SCN8A: variants seen among roughly 807,000 people sequenced by gnomAD.
The protein encoded by SCN8A is sodium voltage-gated channel alpha subunit 8.
SCN8A carries 30 observed loss-of-function variants against 184.1 expected under a neutral mutation model. The ratio of observed to expected loss-of-function variants is 0.16; its 90% CI spans 0.12 to 0.22. The LOEUF is 0.22. SCN8A is among the 10% of genes least tolerant of loss of function. The pLI is 1.00. For synonymous variants in SCN8A, 852 were observed against 907.0 expected (o/e 0.94, Z 1.09); for missense variants, 1,057 against 2,498.9 (o/e 0.42, Z 12.30).
Position 51,751,386 on chromosome 12 carries a change from A to G in SCN8A, c.2163A>G (p.Pro721=), listed in dbSNP as rs1245053062. 2.5e-6 allele frequency: 4 copies of G among 1,613,748 alleles called. No homozygotes were observed. The South Asian group carries it at 3.3e-5, about 13-fold the overall frequency. ...AAGAGTCTCAGAGAAAGTGCCCGCC[A>G]TGCTGGTATAAATTTGCCAACACTT... is the stretch of plus-strand genomic sequence containing the variant. The part of the protein sequence containing the change: ...ELEESQRKCP[P]CWYKFANTFL... The change falls in exon 14 of 27, where the codon CCA becomes CCG. Residue 721 remains proline (P), a synonymous_variant. Coordinates refer to ENST00000627620, the MANE Select transcript of SCN8A (RefSeq NM_001330260.2).
intron 1 of SCN8A, among the ~76,000 whole-genome samples, chr12:51,655,450 T>C (rs1027496705): frequency 1.3e-5 from 2 of 151,970 alleles, no homozygotes; most frequent in African/African-American, 2.4e-5. Context: ...GGCACCATCA[T>C]GGTTCACTGT....
rs547965694 is a variant in SCN8A at position 51,662,366 on chromosome 12, G to A, written c.-54-398G>A. On this transcript the variant is annotated intron_variant, in intron 1 of 26. Coordinates refer to ENST00000627620, the MANE Select transcript of SCN8A (RefSeq NM_001330260.2). ...TTGAAAGGAAGAGTTTTTCTTTGGGGAGTGGAGCTTTAGGAAAGGAAGGTG... is the reference window on the plus strand; with the variant it reads ...TTGAAAGGAAGAGTTTTTCTTTGGGAAGTGGAGCTTTAGGAAAGGAAGGTG... Among the ~76,000 whole-genome samples, 3 of 152,286 alleles carry A rather than the reference G, an allele frequency of 2.0e-5. No homozygotes were observed. In the South Asian group the frequency reaches 6.2e-4, roughly 32 times the overall value.
At chr12:51,627,294 A>G (rs1277618104) in intron 1 of SCN8A, among the ~76,000 whole-genome samples, 1 of 152,252 alleles carries the variant, frequency 6.6e-6, no homozygotes, top group Non-Finnish European at 1.5e-5. Flanking sequence ...ATGAAATGAG[A>G]TAATAAATAT....
At chr12:51,794,192 C>T (rs1314818100) in intron 25 of SCN8A, among the ~76,000 whole-genome samples, 179 bp from the exon 26 acceptor site, 1 of 152,144 alleles carries the variant, frequency 6.6e-6, no homozygotes, top group Non-Finnish European at 1.5e-5. Context: ...CTTTGGAAAG[C>T]TCTTGGTGAG....
intron 26 of SCN8A, among the ~76,000 whole-genome samples, chr12:51,802,715 T>A (rs192558335): frequency 2.0e-5 from 3 of 152,328 alleles, no homozygotes; most frequent in African/African-American, 7.2e-5. Flanking sequence ...ATTATATTCC[T>A]TGGTTCTCCA....
At chr12:51,681,214 A>G (rs1941326252) in intron 2 of SCN8A, among the ~76,000 whole-genome samples, 2 of 151,924 alleles carry the variant, frequency 1.3e-5, no homozygotes, top group South Asian at 2.1e-4. Flanking sequence ...TCCCACACCA[A>G]CTTCATTCTT....
chr12:51,641,785 C>T (rs1351182801), intron 1 of SCN8A, among the ~76,000 whole-genome samples: 7 of 152,184 alleles, frequency 4.6e-5, no homozygotes, highest in South Asian at 2.1e-4. Flanking sequence ...CCCACACCCT[C>T]GCCCTGGCAG....
chr12:51,647,448 G>C (rs74091896), intron 1 of SCN8A, among the ~76,000 whole-genome samples: 5,565 of 152,216 alleles, frequency 0.037, 312 homozygotes, highest in African/African-American at 0.12. Context: ...GGAGTGAGAC[G>C]TAGGAAGGAA....
intron 2 of SCN8A, among the ~76,000 whole-genome samples, chr12:51,668,589 A>G (rs1162349124): frequency 4.6e-5 from 7 of 152,148 alleles, no homozygotes; most frequent in African/African-American, 1.2e-4. Context: ...GGTTTTTAGG[A>G]CAGGTCCTAA....
At chr12:51,802,254 G>A (rs1205976255) in intron 26 of SCN8A, among the ~76,000 whole-genome samples, 2 of 152,118 alleles carry the variant, frequency 1.3e-5, no homozygotes, top group African/African-American at 4.8e-5. Context: ...AGCATTGCAG[G>A]GTTAATCTCA....
chr12:51,701,334 C>T lies in SCN8A; in HGVS notation c.992+127C>T, dbSNP rs1440251727. 6.1e-6 allele frequency: 3 copies of T among 492,838 alleles called. No individual in the cohort carries two copies. The East Asian group carries it at 9.7e-5, about 16-fold the overall frequency. 30.5% of individuals were successfully genotyped at this position (492,838 alleles called of 1,614,324 possible). On this transcript the variant is annotated intron_variant, in intron 8 of 26. Transcript: ENST00000627620. ...AGTAGACCTTACAATTGCATCTGAC[C>T]TATCGGTTGGCATAGATTTTCTTTG...
chr12:51,693,051 T>C (rs1273141705), intron 6 of SCN8A, among the ~76,000 whole-genome samples: 4 of 152,356 alleles, frequency 2.6e-5, no homozygotes, highest in East Asian at 1.9e-4. Flanking sequence ...TTACTTTCAC[T>C]CCTAACCAGT....
chr12:51,739,874 G>A (rs898831025), intron 12 of SCN8A, among the ~76,000 whole-genome samples: 2 of 152,132 alleles, frequency 1.3e-5, no homozygotes, highest in Admixed American at 6.5e-5. Context: ...CACAGCCTTC[G>A]GAGCTGGGAG....
intron 1 of SCN8A, among the ~76,000 whole-genome samples, chr12:51,644,691 C>T (rs575465489): frequency 8.8e-4 from 132 of 150,592 alleles, no homozygotes; most frequent in African/African-American, 2.7e-3. Flanking sequence ...TCCGCCTGGC[C>T]GCCCATCGTC....
chr12:51,676,137 GAA>G (rs1476952275), intron 2 of SCN8A, among the ~76,000 whole-genome samples: 2 of 152,008 alleles, frequency 1.3e-5, no homozygotes, highest in Non-Finnish European at 2.9e-5. Context: ...CACGCCTAGG[GAA>G]GAATTTTGCT....
chr12:51,595,076 A>ATCAATGAATCAACAAATAGTC (rs1202520464), intron 1 of SCN8A, among the ~76,000 whole-genome samples: 3 of 152,184 alleles, frequency 2.0e-5, no homozygotes, highest in Non-Finnish European at 4.4e-5. Flanking sequence ...CCTTTTCTTA[A>ATCAATGAATCAACAAATAGTC]TCAATGAATC....
chr12:51,663,577 A>G (rs1054674969), intron 2 of SCN8A, among the ~76,000 whole-genome samples: 1 of 152,190 alleles, frequency 6.6e-6, no homozygotes, highest in Non-Finnish European at 1.5e-5. Flanking sequence ...TAAAGCAAAC[A>G]GCCAATGAGG....
rs772641973 is a variant in SCN8A at position 51,688,988 on chromosome 12, G to C, written c.615-17G>C. On this transcript the variant is annotated splice_polypyrimidine_tract_variant and intron_variant, in intron 5 of 26. Transcript: ENST00000627620. ...GTGTTTGTCACTTGTGTCTGTGTGT[G>C]ACCTCCCTTACTACAGATATGTGAC... 1.2e-5 allele frequency: 19 copies of C among 1,607,760 alleles called. No individual in the cohort carries two copies. In the African/African-American group the frequency reaches 2.4e-4, roughly 20 times the overall value.
chr12:51,733,497 C>T (rs1942276936), intron 12 of SCN8A, among the ~76,000 whole-genome samples: 2 of 152,070 alleles, frequency 1.3e-5, no homozygotes, highest in African/African-American at 2.4e-5. Flanking sequence ...ATTTTTGCAT[C>T]AATATTCATC....
Sources: gnomAD v4.1 joint callset for allele counts (sites outside exome capture counted in the v4.1 genomes callset) on GRCh38, gnomAD v4.1.1 for gene constraint, MANE v1.5 for transcripts, NCBI Gene and HGNC (gene_info 2026-07-23, HGNC 2026-07-21) for gene names.